DHX9: variants seen among roughly 807,000 people sequenced by gnomAD.
DHX9 encodes ATP-dependent RNA helicase A.
In DHX9, 27 loss-of-function variants were observed where a neutral mutation model predicts 148.7. The observed-to-expected ratio is 0.18, with a 90% CI of 0.13 to 0.25. The LOEUF is 0.25. Among genes scored for constraint, DHX9 ranks in the 10% least tolerant of loss-of-function variants. The pLI is 1.00. For synonymous variants in DHX9, 529 were observed against 516.6 expected, an observed-to-expected ratio of 1.02 and a Z score of -0.33; for missense variants, 796 against 1,559.6, an observed-to-expected ratio of 0.51 and a Z score of 8.25.
At chr1:182,853,048 T>A (rs900973696) in intron 4 of DHX9, among the ~76,000 whole-genome samples, 7 of 130,952 alleles carry the variant, frequency 5.3e-5, no homozygotes, top group Non-Finnish European at 7.7e-5. Context: ...CACCTCAGCC[T>A]CTCTAGTAGC....
rs1438406750 is a variant in DHX9, at chr1:182,880,544, A to G, written c.2560A>G (p.Ile854Val). ...TGATGAGTTGACTCCTTTGGGACGAATCCTGGCTAAACTCCCCATTGAGCC... is the reference window on the plus strand; with the variant it reads ...TGATGAGTTGACTCCTTTGGGACGAGTCCTGGCTAAACTCCCCATTGAGCC... ...ANDELTPLGRILAKLPIEPRF... is the reference protein window; with the variant it reads ...ANDELTPLGRVLAKLPIEPRF... Residue 854 changes from isoleucine to valine, a missense_variant, in exon 22 of 28, where the codon ATC (isoleucine) becomes GTC (valine). Physicochemically the swap from Ile to Val is conservative, Grantham distance 29. Transcript: ENST00000367549. 2 of 1,614,000 alleles carry G rather than the reference A, an allele frequency of 1.2e-6. No homozygotes were observed. The highest frequency in any genetic ancestry group is 1.7e-6 in the Non-Finnish European group (2 of 1,179,904).
At position 182,887,717 on chromosome 1, in the gene DHX9, T is replaced by G. The variant is rs1649400444; in HGVS notation, c.*283T>G. 1.4e-5 allele frequency: 5 copies of G among 346,538 alleles called. No homozygotes were observed. The South Asian group carries it at 1.7e-4, about 12-fold the overall frequency. The allele number at this position is 346,538 out of a possible 1,614,324, so 21.5% of individuals were successfully genotyped here. A position where few individuals can be genotyped will look rare whatever the true frequency, so the allele number is the denominator to read the frequency against. ...AACTTGGTATTTTCCTGGCTTTCGTTTAATACAATAGAAAATAAAGTATTA... is the reference window on the plus strand; with the variant it reads ...AACTTGGTATTTTCCTGGCTTTCGTGTAATACAATAGAAAATAAAGTATTA... On this transcript the variant is annotated 3_prime_UTR_variant, in exon 28 of 28. Coordinates refer to ENST00000367549, the MANE Select transcript of DHX9 (RefSeq NM_001357.5).
intron 1 of DHX9, among the ~76,000 whole-genome samples, chr1:182,840,198 G>A (rs2102583573): frequency 6.6e-6 from 1 of 152,258 alleles, no homozygotes; most frequent in East Asian, 1.9e-4. Context: ...AGGAGAGATG[G>A]GGAGAAACGA....
chr1:182,848,093 C>T lies in DHX9; in HGVS notation c.253-4140C>T, dbSNP rs555810377. 6.6e-5 allele frequency among the ~76,000 whole-genome samples: 10 copies of T among 152,270 alleles called. No homozygotes were observed. The South Asian group carries it at 1.9e-3, about 28-fold the overall frequency. On this transcript the variant is annotated intron_variant, in intron 3 of 27. Transcript: ENST00000367549. Reference sequence around the variant, plus strand: ...TTCTTCATAGGTCTTCAAATAAGCCCTCATCTTTCTGCCTCAAAACTTCTA... The same window carrying T: ...TTCTTCATAGGTCTTCAAATAAGCCTTCATCTTTCTGCCTCAAAACTTCTA...
At chr1:182,868,143 T>C (rs1317860261) in intron 14 of DHX9, among the ~76,000 whole-genome samples, 5 of 152,174 alleles carry the variant, frequency 3.3e-5, no homozygotes, top group Non-Finnish European at 7.3e-5. Flanking sequence ...GACCAAAATA[T>C]ATATTTCATA....
chr1:182,856,440 A>G (rs989129459), intron 6 of DHX9, 92 bp from the exon 7 acceptor site: 1 of 1,028,144 alleles, frequency 9.7e-7, no homozygotes, highest in Non-Finnish European at 1.5e-6. Flanking sequence ...TGATTTGCCT[A>G]AGCAGTTGGA....
At chr1:182,876,770 C>G in intron 18 of DHX9, 60 bp from the exon 19 acceptor site, 1 of 1,300,316 alleles carries the variant, frequency 7.7e-7, no homozygotes, top group Admixed American at 1.8e-5. Flanking sequence ...ATAAGCAAAT[C>G]AGTCCTTTTA....
intron 2 of DHX9, 96 bp downstream of exon 2, chr1:182,842,773 A>G (rs1667955123): frequency 2.3e-6 from 2 of 856,992 alleles, no homozygotes; most frequent in Admixed American, 2.9e-5. Flanking sequence ...AATGTGTTGC[A>G]CATTAGGAAA....
At chr1:182,883,745 T>C (rs1649193924) in intron 26 of DHX9, 110 bp downstream of exon 26, 1 of 607,260 alleles carries the variant, frequency 1.6e-6, no homozygotes, top group African/African-American at 1.9e-5. Flanking sequence ...AACTTAATTA[T>C]ATACTATATA....
chr1:182,846,383 T>C (rs1330966302), intron 3 of DHX9, among the ~76,000 whole-genome samples: 1 of 152,130 alleles, frequency 6.6e-6, no homozygotes, highest in East Asian at 1.9e-4. Flanking sequence ...TACTGGCATG[T>C]GCCGCCATGC....
intron 3 of DHX9, among the ~76,000 whole-genome samples, chr1:182,851,713 C>T (rs1668153732): frequency 6.6e-6 from 1 of 152,102 alleles, no homozygotes; most frequent in African/African-American, 2.4e-5. Context: ...TGTAACAGCA[C>T]ATCTGAGGCA....
At position 182,870,461 on chromosome 1, in the gene DHX9, G is replaced by A. The variant is rs571911998; in HGVS notation, c.1558-1876G>A. On this transcript the variant is annotated intron_variant, in intron 14 of 27. Transcript: ENST00000367549. ...GTGAGGTACATGAGTTGACAGATGG[G>A]ATAAGACAGGGCACAAAAGCACATT... Among the ~76,000 whole-genome samples, 107 of 151,952 alleles carry A rather than the reference G, an allele frequency of 7.0e-4. 1 individual carries two copies. Among genetic ancestry groups the A allele is most frequent in the African/African-American group, 2.4e-3 (99 of 41,246 alleles).
At chr1:182,841,116 C>T (rs1197368329) in intron 1 of DHX9, among the ~76,000 whole-genome samples, 1 of 151,998 alleles carries the variant, frequency 6.6e-6, no homozygotes, top group Admixed American at 6.5e-5. Flanking sequence ...ACGGTGAAAC[C>T]CCGTGTCTAC....
At chr1:182,853,450 G>GA in intron 5 of DHX9, 32 bp downstream of exon 5, 1 of 1,513,056 alleles carries the variant, frequency 6.6e-7, no homozygotes, top group East Asian at 2.3e-5. Flanking sequence ...ACATCTCTGA[G>GA]AATGTGATTT....
chr1:182,872,662 A>G (rs1431795474), intron 15 of DHX9, among the ~76,000 whole-genome samples, 169 bp downstream of exon 15: 1 of 152,240 alleles, frequency 6.6e-6, no homozygotes, highest in Non-Finnish European at 1.5e-5. Flanking sequence ...TATTTTATAC[A>G]GTAGTGAGTA....
chr1:182,884,188 C>A (rs188551878), intron 26 of DHX9, among the ~76,000 whole-genome samples: 3 of 152,180 alleles, frequency 2.0e-5, no homozygotes, highest in African/African-American at 7.2e-5. Flanking sequence ...GCAGGAGAAT[C>A]ACTTGAACCT....
At chr1:182,857,880 C>T (rs1668284587) in intron 7 of DHX9, among the ~76,000 whole-genome samples, 1 of 152,088 alleles carries the variant, frequency 6.6e-6, no homozygotes, top group Non-Finnish European at 1.5e-5. Context: ...TTGTATGAGT[C>T]CTAGTATCAG....
chr1:182,867,173 G>T (rs577467858), intron 14 of DHX9, 130 bp downstream of exon 14: 2 of 558,068 alleles, frequency 3.6e-6, no homozygotes, highest in Non-Finnish European at 6.1e-6. Context: ...TCACTAAGAT[G>T]TTGAAAATCT....
intron 4 of DHX9, among the ~76,000 whole-genome samples, 156 bp downstream of exon 4, chr1:182,852,500 C>A (rs556797352): frequency 1.5e-4 from 23 of 152,318 alleles, no homozygotes; most frequent in Admixed American, 3.9e-4. Context: ...ATTACCAGAT[C>A]ATTTATTTTT....
Sources: gnomAD v4.1 joint callset for allele counts (sites outside exome capture counted in the v4.1 genomes callset) on GRCh38, gnomAD v4.1.1 for gene constraint, MANE v1.5 for transcripts, NCBI Gene and HGNC (gene_info 2026-07-23, HGNC 2026-07-21) for gene names.